Variants in PRKG1 observed in about 807,000 individuals in gnomAD.
PRKG1 encodes the protein protein kinase cGMP-dependent 1.
A neutral mutation model predicts 88.1 loss-of-function variants in PRKG1; 35 were observed. The observed-to-expected ratio is 0.40, with a 90% CI of 0.30 to 0.53. The LOEUF is 0.53. Among genes scored for constraint, PRKG1 ranks in the 20% least tolerant of loss-of-function variants. The pLI is 0.59. For missense variants in PRKG1, 540 were observed against 839.8 expected (o/e 0.64, Z 4.41); for synonymous variants, 303 against 292.5 (o/e 1.04, Z -0.37).
At chr10:52,091,830 C>T (rs972562131) in intron 7 of PRKG1, among the ~76,000 whole-genome samples, 1 of 152,164 alleles carries the variant, frequency 6.6e-6, no homozygotes, top group African/African-American at 2.4e-5. Flanking sequence ...AGGAGCAAAC[C>T]TTAATGCACA....
chr10:51,329,984 G>T, intron 2 of PRKG1, among the ~76,000 whole-genome samples: 2 of 146,716 alleles, frequency 1.4e-5, no homozygotes, highest in African/African-American at 2.5e-5. Flanking sequence ...CTTGTACTTA[G>T]ATACTTACAT....
At chr10:51,234,276 G>T (rs1433648771) in intron 2 of PRKG1, among the ~76,000 whole-genome samples, 1 of 152,108 alleles carries the variant, frequency 6.6e-6, no homozygotes, top group Non-Finnish European at 1.5e-5. Flanking sequence ...TTCTGCTTAT[G>T]GTTGGGGCCA....
chr10:52,209,933 A>T (rs1839921799), intron 9 of PRKG1, among the ~76,000 whole-genome samples: 1 of 152,090 alleles, frequency 6.6e-6, no homozygotes, highest in Admixed American at 6.6e-5. Flanking sequence ...TTGAGTAACC[A>T]TTTGCAAATC....
At chr10:51,567,856 G>A (rs1334129184) in intron 3 of PRKG1, among the ~76,000 whole-genome samples, 1 of 151,984 alleles carries the variant, frequency 6.6e-6, no homozygotes, top group Non-Finnish European at 1.5e-5. Context: ...CAAAGTGCTG[G>A]GATTACAGGT....
intron 3 of PRKG1, among the ~76,000 whole-genome samples, chr10:51,592,913 C>G (rs959664920): frequency 5.3e-5 from 8 of 152,152 alleles, no homozygotes; most frequent in Non-Finnish European, 1.0e-4. Flanking sequence ...CATACAGCTT[C>G]TTGAAAGGGG....
intron 7 of PRKG1, among the ~76,000 whole-genome samples, chr10:52,098,795 C>A (rs1180218822): frequency 6.6e-6 from 1 of 152,124 alleles, no homozygotes; most frequent in East Asian, 1.9e-4. Context: ...GCCCTTCATT[C>A]CCAATCCCTG....
chr10:51,578,108 G>T (rs1050999991), intron 3 of PRKG1, among the ~76,000 whole-genome samples: 2 of 152,002 alleles, frequency 1.3e-5, no homozygotes, highest in Non-Finnish European at 2.9e-5. Flanking sequence ...GATAAAACAG[G>T]AACATAATGC....
At chr10:52,257,059 T>C (rs566460991) in intron 10 of PRKG1, among the ~76,000 whole-genome samples, 1 of 139,618 alleles carries the variant, frequency 7.2e-6, no homozygotes, top group East Asian at 2.1e-4. Flanking sequence ...GCACCTCAGT[T>C]GGGCATAATA....
At chr10:52,114,689 C>A (rs534429057) in intron 7 of PRKG1, among the ~76,000 whole-genome samples, 79 of 152,114 alleles carry the variant, frequency 5.2e-4, no homozygotes, top group Non-Finnish European at 8.7e-4. Context: ...TTCAAAATGA[C>A]CCTATTTTGC....
At chr10:52,191,503 G>A (rs961572070) in intron 9 of PRKG1, among the ~76,000 whole-genome samples, 2 of 152,030 alleles carry the variant, frequency 1.3e-5, no homozygotes, top group Non-Finnish European at 2.9e-5. Flanking sequence ...TTGTCCTGGT[G>A]TAAATCCACT....
intron 2 of PRKG1, among the ~76,000 whole-genome samples, chr10:51,188,976 G>T (rs1056463700): frequency 6.6e-6 from 1 of 151,920 alleles, no homozygotes; most frequent in Non-Finnish European, 1.5e-5. Context: ...TGTGGGAGAG[G>T]GTTGGGCTGC....
At chr10:51,694,897 T>C (rs1236734507) in intron 3 of PRKG1, among the ~76,000 whole-genome samples, 1 of 152,214 alleles carries the variant, frequency 6.6e-6, no homozygotes, top group African/African-American at 2.4e-5. Context: ...GTGAGGAGAA[T>C]CTATTTCCTT....
intron 5 of PRKG1, among the ~76,000 whole-genome samples, chr10:51,970,195 A>G (rs538368445): frequency 2.0e-5 from 3 of 152,124 alleles, no homozygotes; most frequent in Admixed American, 6.6e-5. Context: ...TATCAGCTTC[A>G]GTAAACTTTA....
chr10:51,610,909 G>T (rs1003772876), intron 3 of PRKG1, among the ~76,000 whole-genome samples: 10 of 152,180 alleles, frequency 6.6e-5, no homozygotes, highest in African/African-American at 2.4e-4. Context: ...GGGGAAAGGG[G>T]AGGGAGAGCA....
intron 5 of PRKG1, among the ~76,000 whole-genome samples, chr10:51,941,393 T>C (rs553429211): frequency 2.6e-5 from 4 of 152,138 alleles, no homozygotes; most frequent in African/African-American, 9.7e-5. Context: ...ACATTGAATT[T>C]AACATTCACA....
At chr10:51,272,031 C>T (rs919357791) in intron 2 of PRKG1, among the ~76,000 whole-genome samples, 5 of 152,190 alleles carry the variant, frequency 3.3e-5, no homozygotes, top group African/African-American at 9.6e-5. Context: ...TACACTCCCA[C>T]GAACAGTGTA....
intron 3 of PRKG1, among the ~76,000 whole-genome samples, chr10:51,785,389 G>C (rs972236818): frequency 6.6e-6 from 1 of 151,706 alleles, no homozygotes; most frequent in African/African-American, 2.4e-5. Flanking sequence ...GGAATAACAA[G>C]AAAAGAAAAA....
At chr10:52,223,664 A>G (rs1481792272) in intron 9 of PRKG1, among the ~76,000 whole-genome samples, 1 of 152,174 alleles carries the variant, frequency 6.6e-6, no homozygotes, top group Non-Finnish European at 1.5e-5. Context: ...TCAGACATCT[A>G]GCAACCTATT....
chr10:51,635,473 A>T (rs1468595881), intron 3 of PRKG1, among the ~76,000 whole-genome samples: 2 of 152,028 alleles, frequency 1.3e-5, no homozygotes, highest in Non-Finnish European at 2.9e-5. Flanking sequence ...ACAGGATTAA[A>T]TAAATTTTTT....
Sources: allele counts gnomAD v4.1 joint callset (sites outside exome capture counted in the v4.1 genomes callset), GRCh38; gene constraint gnomAD v4.1.1; transcripts MANE v1.5; gene names NCBI Gene and HGNC (gene_info 2026-07-23, HGNC 2026-07-21).